Variants in ZNF425 observed in about 807,000 individuals in gnomAD.
The protein encoded by ZNF425 is zinc finger protein 425.
Under a neutral mutation model 17.0 loss-of-function variants are expected in ZNF425, and 21 were observed. That is an observed-to-expected ratio of 1.23 (90% CI 0.88 to 1.78). The LOEUF is 1.78. ZNF425 is among the 40% of genes most tolerant of loss of function. ZNF425 has a pLI of 0.00. For missense variants in ZNF425, 868 were observed against 967.3 expected (o/e 0.90, Z 1.36); for synonymous variants, 433 against 384.1 (o/e 1.13, Z -1.49).
At position 149,112,241 on chromosome 7, in the gene ZNF425, A is replaced by C. The variant is rs763208848; in HGVS notation, c.200T>G (p.Leu67Arg). 1 of 1,614,192 alleles carries C rather than the reference A, an allele frequency of 6.2e-7. No individual in the cohort carries two copies. Among genetic ancestry groups the C allele is most frequent in the Non-Finnish European group, 8.5e-7 (1 of 1,180,002 alleles). Residue 67 changes from leucine (L) to arginine (R), a missense_variant, in exon 3 of 4, where the codon CTA becomes CGA. By Grantham distance (102) the Leu-to-Arg change is moderately radical. Coordinates refer to ENST00000378061, the MANE Select transcript of ZNF425 (RefSeq NM_001001661.3). ...TAAGCATCCCTGTTCGCTGATTAAT[A>C]GCATTCTCCCTTGTTCCATCCATGT... The part of the protein sequence containing the change: ...LITWMEQGRM[L>R]LISEQGCLDK...
chr7:149,125,973 C>A, intron 1 of ZNF425: 1 of 912,938 alleles, frequency 1.1e-6, no homozygotes, highest in Non-Finnish European at 1.7e-6. Context: ...CAGACGCGCG[C>A]GGCCAAGCCC....
intron 3 of ZNF425, among the ~76,000 whole-genome samples, chr7:149,108,586 T>C (rs1826120683): frequency 6.6e-6 from 1 of 152,172 alleles, no homozygotes; most frequent in African/African-American, 2.4e-5. Flanking sequence ...AGTTGTTAAC[T>C]CTTTGGTACT....
At position 149,103,688 on chromosome 7, in the gene ZNF425, C is replaced by T. The variant is rs1409457332; in HGVS notation, c.2183G>A (p.Gly728Glu). 1.2e-6 allele frequency: 2 copies of T among 1,614,046 alleles called. No homozygotes were observed. Among genetic ancestry groups the T allele is most frequent in the Non-Finnish European group, 1.7e-6 (2 of 1,180,044 alleles). ...CGCCCCCACGTACGTGAAGCTCCTT[C>T]CACACTCATCACAAGAAAAAGGCCT... ...GERPFSCDECGRSFTYVGALK... is the reference protein window; with the variant it reads ...GERPFSCDECERSFTYVGALK... Residue 728 changes from glycine to glutamate, a missense_variant, in exon 4 of 4, where the codon GGA (glycine) becomes GAA (glutamate). This residue lies in a region of ZNF425 where 437 missense variants were observed against 444.2 expected (regional missense o/e 0.98). Coordinates refer to ENST00000378061, the MANE Select transcript of ZNF425 (RefSeq NM_001001661.3).
intron 2 of ZNF425, among the ~76,000 whole-genome samples, chr7:149,115,230 A>G (rs12666477): frequency 0.6 from 90,802 of 150,426 alleles, 28,646 homozygotes; most frequent in East Asian, 0.9. Context: ...GATTACAGGC[A>G]TGAGCCCCCA....
intron 3 of ZNF425, among the ~76,000 whole-genome samples, chr7:149,109,796 A>C (rs552469877): frequency 6.6e-6 from 1 of 152,152 alleles, no homozygotes; most frequent in South Asian, 2.1e-4. Context: ...TGTGGGAGGC[A>C]CTCGATATTG....
chr7:149,104,897 C>T lies in ZNF425; in HGVS notation c.974G>A (p.Ser325Asn), dbSNP rs1334622764. The stretch of plus-strand genomic sequence containing the variant: ...CGGACACTGGAAGGGCTTCTCTCCG[C>T]TGTGCAGCCGCAAGTGCTCCGTGAG... The part of the protein sequence containing the change: ...CELTEHLRLH[S>N]GEKPFQCPQC... The change falls in exon 4 of 4, where the codon AGC (serine) becomes AAC (asparagine). Residue 325 changes from serine to asparagine, a missense_variant. Around this residue, in one of 5 missense-constraint regions of ZNF425, gnomAD observed 243 missense variants for 265.2 expected, o/e 0.92. Coordinates refer to ENST00000378061, the MANE Select transcript of ZNF425 (RefSeq NM_001001661.3). The surrounding 1 kb of genome is among the most constrained non-coding windows in gnomAD (Gnocchi z 4.3). 1 of 1,613,590 alleles carries T rather than the reference C, an allele frequency of 6.2e-7. No individual in the cohort carries two copies.
chr7:149,115,100 AT>A lies in ZNF425; in HGVS notation c.146-2806del, dbSNP rs71192755. ...CAGACGTGTGCCACCACGCTGGCTA[AT>A]TTTTTTTTTTTTTTTTTTTTGTATT... On this transcript the variant is annotated intron_variant, in intron 2 of 3. Transcript: ENST00000378061. Among the ~76,000 whole-genome samples, 862 of 123,858 alleles carry A rather than the reference AT, an allele frequency of 7.0e-3. 8 individuals carry two copies. The highest frequency in any genetic ancestry group is 0.018 in the African/African-American group (589 of 32,042). 81.3% of individuals were successfully genotyped at this position (123,858 alleles called of 152,430 possible).
intron 3 of ZNF425, among the ~76,000 whole-genome samples, chr7:149,109,729 T>C (rs1324348169): frequency 6.6e-6 from 1 of 152,190 alleles, no homozygotes; most frequent in Non-Finnish European, 1.5e-5. Flanking sequence ...TATTCATATG[T>C]ATACATACAC....
At chr7:149,124,216 C>A (rs1234832331) in intron 1 of ZNF425, among the ~76,000 whole-genome samples, 3 of 144,800 alleles carry the variant, frequency 2.1e-5, no homozygotes, top group Non-Finnish European at 4.5e-5. Flanking sequence ...AGTGCAGTGG[C>A]GTGATCTTGG....
intron 1 of ZNF425, among the ~76,000 whole-genome samples, chr7:149,122,799 A>T (rs1263555197): frequency 6.6e-6 from 1 of 152,028 alleles, no homozygotes; most frequent in African/African-American, 2.4e-5. Flanking sequence ...TGGTTCAAGC[A>T]GTCCTCCTGC....
chr7:149,104,028 A>G lies in ZNF425; in HGVS notation c.1843T>C (p.Cys615Arg), dbSNP rs1826023961. Residue 615 changes from cysteine (C) to arginine (R), a missense_variant, in exon 4 of 4, where the codon TGC (cysteine) becomes CGC (arginine). Coordinates refer to ENST00000378061, the MANE Select transcript of ZNF425 (RefSeq NM_001001661.3). This position sits in a 1 kb window ranked among gnomAD's most constrained non-coding sequence, Gnocchi z 4.3. ...CCCTTGAGGCGGAAAGTCTTCTCGC[A>G]TTCAGGACACTGGTAGGGCTTCTCT... ...SGEKPYQCPE[C>R]EKTFRLKGNL... 6.2e-7 allele frequency: 1 copy of G among 1,613,716 alleles called. No individual in the cohort carries two copies. Among genetic ancestry groups the G allele is most frequent in the Non-Finnish European group, 8.5e-7 (1 of 1,179,808 alleles).
In ZNF425 at chr7:149,109,081, CTTTTTTTTTT is replaced by C. The variant is rs774851748; in HGVS notation, c.304+3046_304+3055del. On this transcript the variant is annotated intron_variant, in intron 3 of 3. Coordinates refer to ENST00000378061, the MANE Select transcript of ZNF425 (RefSeq NM_001001661.3). ...GTCTTCTCTGTTTTCTTTTTTCTTT[CTTTTTTTTTT>C]TTTTTGAAACGGAGTCTCGCTCTGT... Among the ~76,000 whole-genome samples the C allele has an allele frequency of 5.0e-3, 689 of 138,824 alleles. 1 individual carries two copies. The highest frequency in any genetic ancestry group is 8.6e-3 in the Non-Finnish European group (552 of 64,306). 91.1% of individuals were successfully genotyped at this position (138,824 alleles called of 152,430 possible). A position where few individuals can be genotyped will look rare whatever the true frequency, so the allele number is the denominator to read the frequency against.
chr7:149,121,500 T>G (rs1472628408), intron 1 of ZNF425, among the ~76,000 whole-genome samples: 1 of 151,916 alleles, frequency 6.6e-6, no homozygotes, highest in Non-Finnish European at 1.5e-5. Flanking sequence ...CAAGTGATTC[T>G]CCTGCCTCAG....
Position 149,104,369 on chromosome 7 carries a change from C to T in ZNF425, c.1502G>A (p.Gly501Asp). 1.9e-6 allele frequency: 3 copies of T among 1,611,162 alleles called. No homozygotes were observed. Among genetic ancestry groups the T allele is most frequent in the Non-Finnish European group, 2.5e-6 (3 of 1,178,702 alleles). ...CTGAGAAAAGGTCTTTTTGCACTCGCCGCAGGGAAACTCCTTCTGCCTGTC... is the reference window on the plus strand; with the variant it reads ...CTGAGAAAAGGTCTTTTTGCACTCGTCGCAGGGAAACTCCTTCTGCCTGTC... ...VHDRQKEFPC[G>D]ECKKTFSQQS... The change falls in exon 4 of 4, where the codon GGC becomes GAC. Residue 501 changes from glycine (G) to aspartate (D), a missense_variant. Coordinates refer to ENST00000378061, the MANE Select transcript of ZNF425 (RefSeq NM_001001661.3). The surrounding 1 kb of genome is among the most constrained non-coding windows in gnomAD (Gnocchi z 4.3).
rs575584712 is a variant in ZNF425 at position 149,104,338 on chromosome 7, C to T, written c.1533G>A (p.Ser511=). 7 of 1,613,196 alleles carry T rather than the reference C, an allele frequency of 4.3e-6. No individual in the cohort carries two copies. The East Asian group carries it at 1.1e-4, about 26-fold the overall frequency. ...GECKKTFSQQ[S]RLTQHLKVHT... is the part of the protein sequence containing the mutation. ...GGACCTTCAGGTGCTGCGTGAGCCG[C>T]GACTGCTGAGAAAAGGTCTTTTTGC... is the stretch of plus-strand genomic sequence containing the variant. The change falls in exon 4 of 4, where the codon TCG becomes TCA. Residue 511 remains serine (S), a synonymous_variant. Coordinates refer to ENST00000378061, the MANE Select transcript of ZNF425 (RefSeq NM_001001661.3). The surrounding 1 kb of genome is among the most constrained non-coding windows in gnomAD (Gnocchi z 4.3).
At position 149,104,620 on chromosome 7, in the gene ZNF425, G is replaced by C; in HGVS notation, c.1251C>G (p.Pro417=). The C allele has an allele frequency of 6.2e-7, 1 of 1,614,078 alleles. No homozygotes were observed. Among genetic ancestry groups the C allele is most frequent in the East Asian group, 2.2e-5 (1 of 44,868 alleles). Residue 417 remains proline (P), a synonymous_variant, in exon 4 of 4, where the codon CCC becomes CCG. Coordinates refer to ENST00000378061, the MANE Select transcript of ZNF425 (RefSeq NM_001001661.3). The surrounding 1 kb of genome is among the most constrained non-coding windows in gnomAD (Gnocchi z 4.3). ...TGAGGCGGAAACTTTTGTTACACTC[G>C]GGACACGAAAAGGGCTTCTCTCCCG... The part of the protein sequence containing the change: ...VHTGEKPFSC[P]ECNKSFRLKR...
chr7:149,122,209 G>A (rs1471908602), intron 1 of ZNF425, among the ~76,000 whole-genome samples: 3 of 151,788 alleles, frequency 2.0e-5, no homozygotes, highest in Non-Finnish European at 4.4e-5. Flanking sequence ...TGGGATTACA[G>A]GTGTGAGCCA....
chr7:149,124,525 T>TG (rs1826420138), intron 1 of ZNF425, among the ~76,000 whole-genome samples: 1 of 150,976 alleles, frequency 6.6e-6, no homozygotes, highest in African/African-American at 2.4e-5. Context: ...ACCCATATTT[T>TG]TTTGTTGTTG....
chr7:149,124,797 T>C (rs1331489190), intron 1 of ZNF425, among the ~76,000 whole-genome samples: 1 of 151,036 alleles, frequency 6.6e-6, no homozygotes, highest in African/African-American at 2.4e-5. Context: ...CGCCTCAGCC[T>C]CCCAAAGTGC....
Sources: allele counts gnomAD v4.1 joint callset (sites outside exome capture counted in the v4.1 genomes callset), GRCh38; gene constraint gnomAD v4.1.1; regional missense constraint gnomAD v4.1.1; non-coding constraint Gnocchi (gnomAD v3.1); transcripts MANE v1.5; gene names NCBI Gene and HGNC (gene_info 2026-07-23, HGNC 2026-07-21).